Variants in CILK1 observed in about 807,000 individuals in gnomAD.
CILK1 encodes the protein serine/threonine-protein kinase ICK.
In CILK1, 47 loss-of-function variants were observed where a neutral mutation model predicts 79.2. The ratio of observed to expected loss-of-function variants is 0.59; its 90% confidence interval spans 0.47 to 0.76. The LOEUF (loss-of-function observed/expected upper bound fraction) is 0.76, where lower values mean the gene tolerates loss of function less well. Among genes scored for constraint, CILK1 ranks in the 30% least tolerant of loss-of-function variants. The probability of loss-of-function intolerance (pLI) is 0.00; values close to 1 mark genes in which losing one functional copy is unlikely to be tolerated. For synonymous variants in CILK1, 266 were observed against 275.9 expected (o/e 0.96, Z 0.36); for missense variants, 660 against 769.5 (o/e 0.86, Z 1.68).
At chr6:53,026,447 C>T (rs1160076529) in intron 5 of CILK1, among the ~76,000 whole-genome samples, 3 of 152,178 alleles carry the variant, frequency 2.0e-5, no homozygotes, top group South Asian at 2.1e-4. Context: ...CTGCGCCCAG[C>T]CTATAAAGCT....
intron 11 of CILK1, among the ~76,000 whole-genome samples, chr6:53,010,766 A>G (rs1229078834): frequency 6.6e-6 from 1 of 152,126 alleles, no homozygotes; most frequent in Non-Finnish European, 1.5e-5. Context: ...TTACCTGACC[A>G]TTCTTTTACA....
chr6:53,014,795 T>TGTG (rs1764796818), intron 8 of CILK1, among the ~76,000 whole-genome samples: 2 of 152,234 alleles, frequency 1.3e-5, no homozygotes, highest in South Asian at 4.1e-4. Flanking sequence ...TTTGCAAGTC[T>TGTG]TAACTGATTT....
chr6:53,008,623 A>G (rs1764380994), intron 12 of CILK1, among the ~76,000 whole-genome samples: 1 of 151,844 alleles, frequency 6.6e-6, no homozygotes, highest in Admixed American at 6.6e-5. Context: ...ACAGGGTTTT[A>G]CCATGTTGGC....
chr6:53,039,164 TCAGG>T (rs200500073), intron 2 of CILK1, among the ~76,000 whole-genome samples: 2,256 of 152,358 alleles, frequency 0.015, 40 homozygotes, highest in Non-Finnish European at 0.022. Context: ...AGGTGCCTTG[TCAGG>T]CACTGGAGAG....
rs776958983 is a variant in CILK1 at position 53,041,227 on chromosome 6, A to G, written c.10T>C (p.Tyr4His). 3 of 1,612,884 alleles carry G rather than the reference A, an allele frequency of 1.9e-6. No individual in the cohort carries two copies. In the South Asian group the frequency reaches 3.3e-5, roughly 18 times the overall value. ...TCCCCGAGCTGCCTGATTGTTGTGT[A>G]TCTATTCATGGTGTGCCTGCTCAGG... MNRYTTIRQLGDGT... is the reference protein window; with the variant it reads MNRHTTIRQLGDGT... The change falls in exon 2 of 14, where the codon TAC (tyrosine) becomes CAC (histidine). Residue 4 changes from tyrosine to histidine, a missense_variant. Tyr to His is a moderately conservative substitution (Grantham distance 83, BLOSUM62 2). Coordinates refer to ENST00000676107, the MANE Select transcript of CILK1 (RefSeq NM_014920.5).
intron 1 of CILK1, among the ~76,000 whole-genome samples, chr6:53,045,994 G>A (rs1275756220): frequency 2.0e-5 from 3 of 152,144 alleles, no homozygotes; most frequent in East Asian, 1.9e-4. Flanking sequence ...TTTTCTTCAT[G>A]TCCAACCAAA....
chr6:53,038,845 G>C (rs918565103), intron 2 of CILK1, among the ~76,000 whole-genome samples: 2 of 152,140 alleles, frequency 1.3e-5, no homozygotes, highest in Non-Finnish European at 2.9e-5. Flanking sequence ...CCAACCCCTG[G>C]TCTAGAGCCT....
At chr6:53,025,264 A>G (rs1329804226) in intron 5 of CILK1, among the ~76,000 whole-genome samples, 2 of 152,190 alleles carry the variant, frequency 1.3e-5, no homozygotes, top group Non-Finnish European at 2.9e-5. Flanking sequence ...CAGTTCCGTT[A>G]TAATGGGTCC....
chr6:53,040,936 C>A (rs1766662826), intron 2 of CILK1, among the ~76,000 whole-genome samples, 200 bp downstream of exon 2: 1 of 152,260 alleles, frequency 6.6e-6, no homozygotes, highest in East Asian at 1.9e-4. Flanking sequence ...TTACTATGTG[C>A]AAAGTAGTAA....
chr6:53,023,665 G>A (rs913953565), intron 5 of CILK1, among the ~76,000 whole-genome samples: 1 of 152,206 alleles, frequency 6.6e-6, no homozygotes, highest in Non-Finnish European at 1.5e-5. Flanking sequence ...CTGCCCTAGA[G>A]CAAAGGGAGG....
At position 53,011,834 on chromosome 6, in the gene CILK1, C is replaced by T. The variant is rs55895113; in HGVS notation, c.1427G>A (p.Arg476Gln). The change falls in exon 11 of 14, where the codon CGA becomes CAA. Residue 476 changes from arginine (R) to glutamine (Q), a missense_variant. Coordinates refer to ENST00000676107, the MANE Select transcript of CILK1 (RefSeq NM_014920.5). Reference protein sequence around the residue: ...SAPTQTSYQRRDTPTLRSAAK... With the variant: ...SAPTQTSYQRQDTPTLRSAAK... ...TGCAGATCTCAGGGTGGGCGTGTCT[C>T]GCCGCTGATATGACGTCTGGGTGGG... The T allele has an allele frequency of 9.3e-5, 150 of 1,614,004 alleles. No individual in the cohort carries two copies. The highest frequency in any genetic ancestry group is 1.2e-4 in the Non-Finnish European group (143 of 1,180,032).
chr6:53,051,965 A>C (rs190508356), intron 1 of CILK1: 65 of 152,344 alleles, frequency 4.3e-4, no homozygotes, highest in African/African-American at 1.4e-3. Flanking sequence ...ATTCATGTGC[A>C]GAATGTGCAG....
intron 5 of CILK1, among the ~76,000 whole-genome samples, chr6:53,027,151 C>T (rs1030507131): frequency 2.0e-5 from 3 of 152,174 alleles, no homozygotes; most frequent in Non-Finnish European, 2.9e-5. Context: ...AAGGCTAGAA[C>T]GACAGCAATG....
At chr6:53,030,968 G>T in intron 5 of CILK1, 97 bp downstream of exon 5, 1 of 825,142 alleles carries the variant, frequency 1.2e-6, no homozygotes, top group Non-Finnish European at 2.1e-6. Context: ...AACCTTTTCT[G>T]GGAGTCAGCT....
At chr6:53,020,130 T>A (rs1278382544) in intron 5 of CILK1, among the ~76,000 whole-genome samples, 1 of 152,206 alleles carries the variant, frequency 6.6e-6, no homozygotes, top group Non-Finnish European at 1.5e-5. Flanking sequence ...TTACTTTGCC[T>A]AGTGAGGAAG....
chr6:53,009,601 T>G, intron 11 of CILK1, 34 bp from the exon 12 acceptor site: 1 of 1,553,762 alleles, frequency 6.4e-7, no homozygotes. Context: ...AAATGCAAAA[T>G]ACACAATGAA....
chr6:53,046,638 A>G (rs1267757582), intron 1 of CILK1, among the ~76,000 whole-genome samples: 3 of 152,186 alleles, frequency 2.0e-5, no homozygotes, highest in African/African-American at 7.2e-5. Flanking sequence ...ATTACCTAAC[A>G]ACTATACAAT....
At chr6:53,057,946 G>A (rs1036106724) in intron 1 of CILK1, 1 of 152,054 alleles carries the variant, frequency 6.6e-6, no homozygotes, top group African/African-American at 2.4e-5. Context: ...AAAAAAGGGG[G>A]GAGCAGATGT....
intron 1 of CILK1, among the ~76,000 whole-genome samples, chr6:53,044,904 T>C (rs1766959387): frequency 6.6e-6 from 1 of 152,136 alleles, no homozygotes; most frequent in African/African-American, 2.4e-5. Flanking sequence ...CCTCCAGAAC[T>C]GTGAAAAAAA....
Sources: allele counts gnomAD v4.1 joint callset (sites outside exome capture counted in the v4.1 genomes callset), GRCh38; gene constraint gnomAD v4.1.1; transcripts MANE v1.5; gene names NCBI Gene and HGNC (gene_info 2026-07-23, HGNC 2026-07-21).